The following SLC35D2 variants were observed in gnomAD, a reference collection of about 807,000 sequenced individuals.
The protein encoded by SLC35D2 is nucleotide sugar transporter SLC35D2.
A neutral mutation model predicts 41.8 loss-of-function variants in SLC35D2; 43 were observed. The ratio of observed to expected loss-of-function variants is 1.03; its 90% CI spans 0.81 to 1.33. The LOEUF (loss-of-function observed/expected upper bound fraction) is 1.33. Ranked by LOEUF, SLC35D2 falls within the 40% of genes most tolerant of loss-of-function variation. The pLI, the probability that SLC35D2 is intolerant of heterozygous loss-of-function variation, is 0.00. For missense variants in SLC35D2, 380 were observed against 408.4 expected (o/e 0.93, Z 0.60); for synonymous variants, 150 against 163.9 (o/e 0.92, Z 0.65).
intron 1 of SLC35D2, among the ~76,000 whole-genome samples, chr9:96,379,106 C>A (rs7469303): frequency 4.0e-5 from 6 of 150,300 alleles, no homozygotes; most frequent in Non-Finnish European, 5.9e-5. Flanking sequence ...AAGACCAGCC[C>A]GGGCAACATA....
chr9:96,336,926 T>C (rs1829074636), intron 8 of SLC35D2, 142 bp from the exon 9 acceptor site: 1 of 573,482 alleles, frequency 1.7e-6, no homozygotes, highest in African/African-American at 1.9e-5. Flanking sequence ...GTCATACTAG[T>C]TGTGGGACAT....
chr9:96,315,802 T>C (rs571580914), downstream of SLC35D2, among the ~76,000 whole-genome samples: 1 of 152,286 alleles, frequency 6.6e-6, no homozygotes, highest in Admixed American at 6.5e-5. Flanking sequence ...CTTTGAATAA[T>C]ATTTTTAAAT....
intron 9 of SLC35D2, among the ~76,000 whole-genome samples, chr9:96,324,763 CAG>C (rs1250620478): frequency 6.6e-6 from 1 of 152,020 alleles, no homozygotes; most frequent in African/African-American, 2.4e-5. Context: ...CCATGTTGCC[CAG>C]GCTGGTCTTG....
chr9:96,373,001 G>A (rs1830777099), intron 1 of SLC35D2, among the ~76,000 whole-genome samples: 1 of 151,264 alleles, frequency 6.6e-6, no homozygotes, highest in South Asian at 2.1e-4. Context: ...CTGGGTTCAA[G>A]CAATTCTCCT....
At position 96,315,434 on chromosome 9, in the gene SLC35D2, CTT is replaced by C. The variant is rs35644020; in HGVS notation, c.*1036-537_*1036-536del. The stretch of plus-strand genomic sequence containing the variant: ...AGCTACTGTGCCCGGCCTTCACAGA[CTT>C]TTTTTTTTTTTTTTTGAGACGGAGT... On this transcript the variant is annotated intron_variant and NMD_transcript_variant, in intron 11 of 11. Coordinates refer to the SLC35D2 transcript ENST00000650065. Among the ~76,000 whole-genome samples, 360 of 131,962 alleles carry C rather than the reference CTT, an allele frequency of 2.7e-3. 1 individual carries two copies. The highest frequency in any genetic ancestry group is 8.2e-3 in the Middle Eastern group (2 of 244). 86.6% of individuals were successfully genotyped at this position (131,962 alleles called of 152,430 possible).
chr9:96,336,343 C>G (rs1191563955), intron 9 of SLC35D2, among the ~76,000 whole-genome samples: 3 of 152,078 alleles, frequency 2.0e-5, no homozygotes, highest in African/African-American at 7.2e-5. Flanking sequence ...GAGTTTGAGT[C>G]CAGCCTGGGC....
chr9:96,383,325 TG>T, intron 1 of SLC35D2, 151 bp downstream of exon 1: 1 of 488,194 alleles, frequency 2.0e-6, no homozygotes, highest in Non-Finnish European at 3.4e-6. Flanking sequence ...GAGCGAGTTC[TG>T]GAGGGCGCCT....
At position 96,373,161 on chromosome 9, in the gene SLC35D2, A is replaced by C. The variant is rs1468462907; in HGVS notation, c.159-4856T>G. On this transcript the variant is annotated intron_variant, in intron 1 of 11. Coordinates refer to ENST00000253270, the MANE Select transcript of SLC35D2 (RefSeq NM_007001.3). ...GTGATCCACCCGCCTTGGCCTGCCA[A>C]GTGCTGAAATTACAGGCATGAGCCA... Among the ~76,000 whole-genome samples, 4 of 152,106 alleles carry C rather than the reference A, an allele frequency of 2.6e-5. 1 individual carries two copies. Among genetic ancestry groups the C allele is most frequent in the African/African-American group, 9.7e-5 (4 of 41,436 alleles).
At chr9:96,360,944 T>C (rs1026893952) in intron 3 of SLC35D2, among the ~76,000 whole-genome samples, 3 of 152,028 alleles carry the variant, frequency 2.0e-5, no homozygotes, top group African/African-American at 4.8e-5. Flanking sequence ...GATTTTGCCA[T>C]GGTGGCCAGG....
rs1290717549 is a variant in SLC35D2, at chr9:96,328,905, T to C, written c.753-4736A>G. Among the ~76,000 whole-genome samples, 3 of 152,022 alleles carry C rather than the reference T, an allele frequency of 2.0e-5. No individual in the cohort carries two copies. The East Asian group carries it at 5.8e-4, about 29-fold the overall frequency. On this transcript the variant is annotated intron_variant, in intron 9 of 11. Coordinates refer to ENST00000253270, the MANE Select transcript of SLC35D2 (RefSeq NM_007001.3). ...TCACAGAGTGCCAGCCTGGACAACA[T>C]GGTGAAACCCCGTCTCTACTAAAAA...
chr9:96,347,664 G>A (rs1301027877), intron 6 of SLC35D2, among the ~76,000 whole-genome samples: 4 of 152,148 alleles, frequency 2.6e-5, no homozygotes, highest in Admixed American at 2.6e-4. Context: ...TCAGAGGCGT[G>A]TGAACCCGAG....
chr9:96,382,147 G>A (rs1447386156), intron 1 of SLC35D2, among the ~76,000 whole-genome samples: 2 of 151,950 alleles, frequency 1.3e-5, no homozygotes, highest in African/African-American at 4.8e-5. Context: ...ACAACCAATC[G>A]AGCTTATGTG....
At chr9:96,315,639 T>C (rs959770007) in intron 11 of SLC35D2, among the ~76,000 whole-genome samples, 1 of 152,056 alleles carries the variant, frequency 6.6e-6, no homozygotes, top group Admixed American at 6.6e-5. Context: ...TTCACCATGT[T>C]AGCCGGGATG....
In SLC35D2 at chr9:96,367,330, T is replaced by G. The variant is rs115303299; in HGVS notation, c.192+942A>C. On this transcript the variant is annotated intron_variant, in intron 2 of 11. Transcript: ENST00000253270. ...GTACTATTTTCATAATGTTAAGCTT[T>G]TCCCTCTATGAATTAAATCAAAATC... 7.9e-3 allele frequency among the ~76,000 whole-genome samples: 1,203 copies of G among 152,222 alleles called. 17 individuals carry two copies. Among genetic ancestry groups the G allele is most frequent in the African/African-American group, 0.026 (1,094 of 41,544 alleles).
chr9:96,358,093 T>G (rs1229396697), intron 4 of SLC35D2, among the ~76,000 whole-genome samples: 1 of 76,158 alleles, frequency 1.3e-5, no homozygotes, highest in South Asian at 3.0e-4. Context: ...TATATATATA[T>G]ATATATATAT....
chr9:96,316,957 T>G (rs2130815882), downstream of SLC35D2, among the ~76,000 whole-genome samples: 1 of 152,024 alleles, frequency 6.6e-6, no homozygotes, highest in East Asian at 1.9e-4. Flanking sequence ...GCTAACATGG[T>G]GAAACCCCGT....
At chr9:96,347,514 C>T (rs1829633560) in intron 6 of SLC35D2, among the ~76,000 whole-genome samples, 1 of 152,216 alleles carries the variant, frequency 6.6e-6, no homozygotes, top group South Asian at 2.1e-4. Context: ...GCTGGGACTA[C>T]AGGCATGTGC....
At chr9:96,325,352 C>T (rs1828472657) in intron 9 of SLC35D2, among the ~76,000 whole-genome samples, 2 of 152,114 alleles carry the variant, frequency 1.3e-5, no homozygotes, top group Non-Finnish European at 2.9e-5. Flanking sequence ...ATGGATGGTA[C>T]AAGGAGAGTA....
At chr9:96,314,877 G>A (rs1471501950) in exon 12 of SLC35D2, 2 of 152,140 alleles carry the variant, frequency 1.3e-5, no homozygotes, top group Non-Finnish European at 2.9e-5. Flanking sequence ...GCCCACCTGA[G>A]GCAGAACTTC....
Sources: gnomAD v4.1 joint callset for allele counts (sites outside exome capture counted in the v4.1 genomes callset) on GRCh38, gnomAD v4.1.1 for gene constraint, MANE v1.5 for transcripts, NCBI Gene and HGNC (gene_info 2026-07-23, HGNC 2026-07-21) for gene names.